The following DENND1A variants were observed in gnomAD, a reference collection of about 807,000 sequenced individuals.
DENND1A encodes the protein DENN domain-containing protein 1A.
DENND1A carries 51 observed loss-of-function variants against 113.7 expected under a neutral mutation model. The observed-to-expected ratio is 0.45, with a 90% CI of 0.36 to 0.57. DENND1A has a LOEUF of 0.57. Among genes scored for constraint, DENND1A ranks in the 20% least tolerant of loss-of-function variants. The probability of loss-of-function intolerance (pLI) is 0.00; values close to 1 mark genes in which losing one functional copy is unlikely to be tolerated. For synonymous variants in DENND1A, 565 were observed against 570.8 expected (o/e 0.99, Z 0.14); for missense variants, 1,258 against 1,395.9 (o/e 0.90, Z 1.57).
intron 2 of DENND1A, among the ~76,000 whole-genome samples, chr9:123,847,372 C>T (rs1448232210): frequency 6.6e-6 from 1 of 151,274 alleles, no homozygotes; most frequent in Admixed American, 6.6e-5. Flanking sequence ...CTGGTCCTAA[C>T]CAAGATATAT....
chr9:123,787,732 C>T (rs1479405670), intron 3 of DENND1A, among the ~76,000 whole-genome samples: 2 of 151,950 alleles, frequency 1.3e-5, no homozygotes, highest in Non-Finnish European at 2.9e-5. Context: ...GTTTAACTGC[C>T]TATAGTGAAA....
intron 21 of DENND1A, among the ~76,000 whole-genome samples, chr9:123,393,516 G>C (rs1053103143): frequency 6.6e-6 from 1 of 151,048 alleles, no homozygotes; most frequent in East Asian, 2.0e-4. Context: ...GGGCAACACA[G>C]CTAGACCGCA....
chr9:123,412,326 G>A (rs571059417), intron 19 of DENND1A, among the ~76,000 whole-genome samples: 54 of 152,304 alleles, frequency 3.5e-4, no homozygotes, highest in Middle Eastern at 6.8e-3. Flanking sequence ...CCCACCCTCC[G>A]GGTGGAATGG....
chr9:123,763,596 T>A (rs935571621), intron 4 of DENND1A, among the ~76,000 whole-genome samples: 1 of 152,080 alleles, frequency 6.6e-6, no homozygotes, highest in African/African-American at 2.4e-5. Flanking sequence ...AGATGGTATT[T>A]AACACCATGG....
chr9:123,926,492 G>A (rs1318025302), intron 1 of DENND1A, among the ~76,000 whole-genome samples: 2 of 151,230 alleles, frequency 1.3e-5, no homozygotes, highest in African/African-American at 2.4e-5. Context: ...GCTTGAACCC[G>A]GGGGTTGGAG....
intron 5 of DENND1A, among the ~76,000 whole-genome samples, chr9:123,749,656 T>C (rs1375445906): frequency 2.0e-5 from 3 of 152,208 alleles, no homozygotes; most frequent in Admixed American, 1.3e-4. Flanking sequence ...TAGTGAGTTA[T>C]CCAGAGTTAG....
At chr9:123,744,107 G>A (rs1225831463) in intron 5 of DENND1A, among the ~76,000 whole-genome samples, 2 of 152,166 alleles carry the variant, frequency 1.3e-5, no homozygotes, top group African/African-American at 4.8e-5. Flanking sequence ...GTGAATATTT[G>A]GATTGGGCTT....
At chr9:123,765,845 C>A (rs1030190860) in intron 4 of DENND1A, among the ~76,000 whole-genome samples, 1 of 152,116 alleles carries the variant, frequency 6.6e-6, no homozygotes, top group Non-Finnish European at 1.5e-5. Context: ...AACAGCTTCA[C>A]GTACACTGTA....
intron 2 of DENND1A, among the ~76,000 whole-genome samples, chr9:123,867,314 G>A (rs1272302696): frequency 3.9e-5 from 6 of 152,006 alleles, no homozygotes; most frequent in Non-Finnish European, 5.9e-5. Flanking sequence ...TAGGGTGAAC[G>A]TTCCACTCTC....
intron 13 of DENND1A, among the ~76,000 whole-genome samples, chr9:123,519,192 G>A (rs535201663): frequency 1.3e-4 from 20 of 152,300 alleles, no homozygotes; most frequent in Middle Eastern, 3.4e-3. Context: ...CCTGTACAGC[G>A]CGGATGGAAC....
chr9:123,788,152 G>A (rs1447716577), intron 3 of DENND1A, among the ~76,000 whole-genome samples: 1 of 151,996 alleles, frequency 6.6e-6, no homozygotes, highest in African/African-American at 2.4e-5. Flanking sequence ...ACAATTGTGA[G>A]GACAAATTAT....
At chr9:123,654,157 G>T (rs1163826977) in intron 8 of DENND1A, among the ~76,000 whole-genome samples, 1 of 152,170 alleles carries the variant, frequency 6.6e-6, no homozygotes. Context: ...TAAGGGTGGG[G>T]TTTGCTCTGA....
At chr9:123,660,388 A>G (rs2063169995) in intron 8 of DENND1A, among the ~76,000 whole-genome samples, 1 of 152,158 alleles carries the variant, frequency 6.6e-6, no homozygotes, top group Non-Finnish European at 1.5e-5. Context: ...AAATTTTTAA[A>G]ATAGTGGGGG....
rs576314364 is a variant in DENND1A, at chr9:123,387,668, G to C, written c.1760+62C>G. ...CAAGCAGCACCAGCCCCCCGCTTTC[G>C]CCATGCAGCCCCGCAGAGTCACCAA... On this transcript the variant is annotated intron_variant, in intron 22 of 23. Transcript: ENST00000394215. 3 of 1,270,154 alleles carry C rather than the reference G, an allele frequency of 2.4e-6. No individual in the cohort carries two copies. In the Admixed American group the frequency reaches 7.1e-5, roughly 30 times the overall value. 78.7% of individuals were successfully genotyped at this position (1,270,154 alleles called of 1,614,324 possible).
At chr9:123,418,557 A>T (rs962525654) in intron 19 of DENND1A, among the ~76,000 whole-genome samples, 1 of 152,236 alleles carries the variant, frequency 6.6e-6, no homozygotes, top group Admixed American at 6.5e-5. Flanking sequence ...TGCAGGGTGG[A>T]AAACGCTCGA....
chr9:123,867,325 T>C (rs144253336), intron 2 of DENND1A, among the ~76,000 whole-genome samples: 7 of 152,292 alleles, frequency 4.6e-5, no homozygotes, highest in African/African-American at 1.4e-4. Flanking sequence ...TTCCACTCTC[T>C]ACAGAGTCTA....
At chr9:123,811,054 C>G (rs1316957710) in intron 2 of DENND1A, among the ~76,000 whole-genome samples, 1 of 152,140 alleles carries the variant, frequency 6.6e-6, no homozygotes, top group Non-Finnish European at 1.5e-5. Context: ...CCACCACGCC[C>G]GGCCAAATCC....
At position 123,486,077 on chromosome 9, in the gene DENND1A, C is replaced by T. The variant is rs541830074; in HGVS notation, c.994-28180G>A. Among the ~76,000 whole-genome samples the T allele has an allele frequency of 5.3e-5, 8 of 152,240 alleles. No individual in the cohort carries two copies. The South Asian group carries it at 8.3e-4, about 16-fold the overall frequency. ...GGGAGCAGGTGGGAAGAGAAGAGAT[C>T]GATGGATTTTGGCATTGTCACTTTT... is the stretch of plus-strand genomic sequence containing the variant. On this transcript the variant is annotated intron_variant, in intron 13 of 23. Transcript: ENST00000394215.
intron 10 of DENND1A, among the ~76,000 whole-genome samples, chr9:123,625,453 C>G (rs193081625): frequency 1.3e-5 from 2 of 152,296 alleles, no homozygotes; most frequent in East Asian, 3.9e-4. Context: ...TAATAGAAAG[C>G]TGAAGTTGGG....
Sources: gnomAD v4.1 joint callset for allele counts (sites outside exome capture counted in the v4.1 genomes callset) on GRCh38, gnomAD v4.1.1 for gene constraint, MANE v1.5 for transcripts, NCBI Gene and HGNC (gene_info 2026-07-23, HGNC 2026-07-21) for gene names.